Variants in DLGAP2 observed in about 807,000 individuals in gnomAD.
DLGAP2 encodes DLG associated protein 2.
In DLGAP2, 26 loss-of-function variants were observed where a neutral mutation model predicts 100.3. That is an observed-to-expected ratio of 0.26 (90% CI 0.19 to 0.36). The LOEUF (loss-of-function observed/expected upper bound fraction) is 0.36, where lower values mean the gene tolerates loss of function less well. Ranked by LOEUF, DLGAP2 falls within the 10% of genes least tolerant of loss-of-function variation. DLGAP2 has a pLI of 1.00. For missense variants in DLGAP2, 1,858 were observed against 1,453.2 expected (o/e 1.28, Z -4.53); for synonymous variants, 886 against 630.1 (o/e 1.41, Z -6.08).
At chr8:1,362,043 G>C (rs1801993765) in intron 3 of DLGAP2, among the ~76,000 whole-genome samples, 1 of 152,198 alleles carries the variant, frequency 6.6e-6, no homozygotes, top group Admixed American at 6.5e-5. Context: ...CGGTGTCTGG[G>C]GTTAAAGTTT....
intron 12 of DLGAP2, among the ~76,000 whole-genome samples, chr8:1,683,954 GTATA>G (rs59220880): frequency 0.49 from 36,758 of 74,650 alleles, 9,227 homozygotes; most frequent in Admixed American, 0.58. Flanking sequence ...ATATATGTGT[GTATA>G]TATATATATA....
intron 6 of DLGAP2, among the ~76,000 whole-genome samples, chr8:1,584,662 C>G (rs1796059350): frequency 6.6e-6 from 1 of 152,172 alleles, no homozygotes; most frequent in Non-Finnish European, 1.5e-5. Flanking sequence ...GCTCAGGCAT[C>G]TGGGCATGAG....
chr8:1,361,209 G>T (rs1297737280), intron 3 of DLGAP2, among the ~76,000 whole-genome samples: 1 of 152,146 alleles, frequency 6.6e-6, no homozygotes, highest in East Asian at 1.9e-4. Flanking sequence ...CAAATGTGTA[G>T]CCCTGACCAT....
chr8:1,625,445 A>G (rs572537939), intron 6 of DLGAP2, among the ~76,000 whole-genome samples: 1 of 152,350 alleles, frequency 6.6e-6, no homozygotes, highest in South Asian at 2.1e-4. Context: ...AAGGAAGACC[A>G]GAGAACATTG....
intron 3 of DLGAP2, among the ~76,000 whole-genome samples, chr8:1,382,748 G>GA (rs1260744844): frequency 2.0e-5 from 3 of 151,896 alleles, no homozygotes; most frequent in South Asian, 2.1e-4. Context: ...TCTCAAAGGG[G>GA]AAAAAAACAA....
At chr8:1,349,363 C>T (rs1468869351) in intron 3 of DLGAP2, among the ~76,000 whole-genome samples, 2 of 119,466 alleles carry the variant, frequency 1.7e-5, no homozygotes, top group Admixed American at 9.4e-5. Context: ...CTATCGTGAG[C>T]CTCGTGCCCA....
intron 2 of DLGAP2, among the ~76,000 whole-genome samples, chr8:1,059,676 T>A (rs1401137363): frequency 6.6e-6 from 1 of 152,110 alleles, no homozygotes; most frequent in African/African-American, 2.4e-5. Flanking sequence ...GTAGATATGC[T>A]GTGGTCAGCC....
At chr8:994,076 T>C (rs1024312968) in intron 2 of DLGAP2, among the ~76,000 whole-genome samples, 16 of 152,190 alleles carry the variant, frequency 1.1e-4, no homozygotes, top group Non-Finnish European at 2.1e-4. Flanking sequence ...TGGTGGTTTT[T>C]GGATGAGACT....
intron 2 of DLGAP2, among the ~76,000 whole-genome samples, chr8:1,045,955 C>G (rs1802502178): frequency 6.6e-6 from 1 of 152,108 alleles, no homozygotes; most frequent in Admixed American, 6.5e-5. Flanking sequence ...CCAGTAATTT[C>G]AAAGTGAAGG....
At chr8:795,655 A>C (rs1413030681) in intron 1 of DLGAP2, among the ~76,000 whole-genome samples, 2 of 131,736 alleles carry the variant, frequency 1.5e-5, no homozygotes, top group Admixed American at 1.6e-4. Context: ...GCAGGCGTCC[A>C]GTGAGAGCAG....
Position 1,549,000 on chromosome 8 carries a change from G to A in DLGAP2, c.547G>A (p.Ala183Thr), listed in dbSNP as rs768383340. 5.0e-6 allele frequency: 8 copies of A among 1,598,734 alleles called. No homozygotes were observed. The highest frequency in any genetic ancestry group is 1.1e-5 in the South Asian group (1 of 90,550). The change falls in exon 5 of 15, where the codon GCC becomes ACC. Residue 183 changes from alanine to threonine, a missense_variant. Physicochemically the swap from Ala to Thr is moderately conservative, Grantham distance 58. Coordinates refer to ENST00000637795, the MANE Select transcript of DLGAP2 (RefSeq NM_001346810.2). ...RDDCAVAHAGAKINRIPANLL... is the reference protein window; with the variant it reads ...RDDCAVAHAGTKINRIPANLL... ...CGACTGCGCTGTGGCCCACGCGGGC[G>A]CCAAGATCAACCGCATCCCGGCCAA...
chr8:1,110,400 G>A (rs959630913), intron 2 of DLGAP2, among the ~76,000 whole-genome samples: 1 of 149,844 alleles, frequency 6.7e-6, no homozygotes, highest in African/African-American at 2.5e-5. Flanking sequence ...CTGGATCTGT[G>A]AGGTGTGCAT....
At position 1,578,904 on chromosome 8, in the gene DLGAP2, C is replaced by T. The variant is rs576844726; in HGVS notation, c.1442+13010C>T. The stretch of plus-strand genomic sequence containing the variant: ...GATGGCCCCGTCTGTGGGTCAGACC[C>T]TGCCCACGTGCAGAGCACCACTTAG... On this transcript the variant is annotated intron_variant, in intron 6 of 14. Transcript: ENST00000637795. Among the ~76,000 whole-genome samples, 3 of 152,344 alleles carry T rather than the reference C, an allele frequency of 2.0e-5. No homozygotes were observed. The South Asian group carries it at 6.2e-4, about 32-fold the overall frequency.
chr8:1,186,086 CG>C (rs1797497333), intron 2 of DLGAP2, among the ~76,000 whole-genome samples: 1 of 152,158 alleles, frequency 6.6e-6, no homozygotes, highest in African/African-American at 2.4e-5. Flanking sequence ...GAATCCTGCC[CG>C]GGCCACCTCC....
intron 2 of DLGAP2, among the ~76,000 whole-genome samples, chr8:909,272 G>A (rs946945033): frequency 6.6e-6 from 1 of 152,122 alleles, no homozygotes; most frequent in African/African-American, 2.4e-5. Flanking sequence ...AGTCACATGT[G>A]TAAAAAAGAT....
At chr8:1,586,138 C>G (rs141994147) in intron 6 of DLGAP2, among the ~76,000 whole-genome samples, 1 of 152,270 alleles carries the variant, frequency 6.6e-6, no homozygotes, top group Non-Finnish European at 1.5e-5. Context: ...ACGGGTTTCT[C>G]TGGGCTAAGG....
intron 1 of DLGAP2, among the ~76,000 whole-genome samples, chr8:767,097 C>T (rs1377253470): frequency 6.6e-6 from 1 of 152,112 alleles, no homozygotes. Context: ...GGTGCCATCC[C>T]CGGGGTGCAT....
chr8:1,511,934 G>A lies in DLGAP2; in HGVS notation c.172+10503G>A, dbSNP rs566977506. Among the ~76,000 whole-genome samples the A allele has an allele frequency of 6.6e-5, 10 of 152,340 alleles. No individual in the cohort carries two copies. The South Asian group carries it at 8.3e-4, about 13-fold the overall frequency. The stretch of plus-strand genomic sequence containing the variant: ...GTCTTATCAGAGCCTGACAAAAAGC[G>A]TGCGTGTTTTATGTGCACTTTCTAC... On this transcript the variant is annotated intron_variant, in intron 4 of 14. Coordinates refer to ENST00000637795, the MANE Select transcript of DLGAP2 (RefSeq NM_001346810.2).
chr8:1,461,697 G>A (rs1798470448), intron 3 of DLGAP2, among the ~76,000 whole-genome samples: 1 of 54,024 alleles, frequency 1.9e-5, no homozygotes, highest in Non-Finnish European at 3.4e-5. Context: ...GGGTGCAGTC[G>A]CTGATTCGGT....
Sources: gnomAD v4.1 joint callset for allele counts (sites outside exome capture counted in the v4.1 genomes callset) on GRCh38, gnomAD v4.1.1 for gene constraint, MANE v1.5 for transcripts, NCBI Gene and HGNC (gene_info 2026-07-23, HGNC 2026-07-21) for gene names.